Variants in ACLY observed in about 807,000 individuals in gnomAD.
ACLY encodes the protein ATP citrate lyase.
A neutral mutation model predicts 133.0 loss-of-function variants in ACLY; 41 were observed. The ratio of observed to expected loss-of-function variants is 0.31; its 90% CI spans 0.24 to 0.40. The LOEUF (loss-of-function observed/expected upper bound fraction) is 0.40, where lower values mean the gene tolerates loss of function less well. Among genes scored for constraint, ACLY ranks in the 10% least tolerant of loss-of-function variants. The probability of loss-of-function intolerance (pLI) is 1.00; values close to 1 mark genes in which losing one functional copy is unlikely to be tolerated. For synonymous variants in ACLY, 495 were observed against 549.3 expected (o/e 0.90, Z 1.38); for missense variants, 1,046 against 1,453.8 (o/e 0.72, Z 4.56).
At chr17:41,919,490 C>T (rs185172766), upstream of ACLY, among the ~76,000 whole-genome samples, 1 of 152,356 alleles carries the variant, frequency 6.6e-6, no homozygotes, top group African/African-American at 2.4e-5. Flanking sequence ...TGGAGCCTCT[C>T]TCCTCCCTGG....
chr17:41,875,381 G>C (rs145463457), intron 22 of ACLY, among the ~76,000 whole-genome samples: 1 of 144,266 alleles, frequency 6.9e-6, no homozygotes. Flanking sequence ...GACGAGATAC[G>C]TGGCTAAAGA....
intron 1 of ACLY, among the ~76,000 whole-genome samples, chr17:41,929,051 C>T (rs1045857188): frequency 1.3e-5 from 2 of 151,928 alleles, no homozygotes; most frequent in Non-Finnish European, 1.5e-5. Flanking sequence ...TCCTTAAACA[C>T]CCTGTGAATG....
Position 41,909,633 on chromosome 17 carries a change from C to A in ACLY, c.413G>T (p.Gly138Val), listed in dbSNP as rs782037288. ...EGDYVLFHHE[G>V]GVDVGDVDAK... Reference sequence around the variant, plus strand: ...GTCCACATCACCCACGTCCACACCCCCCTCGTGGTGGAACAGGACGTAGTC... The same window carrying A: ...GTCCACATCACCCACGTCCACACCCACCTCGTGGTGGAACAGGACGTAGTC... Residue 138 changes from glycine to valine, a missense_variant, in exon 5 of 29, where the codon GGG (glycine) becomes GTG (valine). Physicochemically the swap from Gly to Val is moderately radical, Grantham distance 109 (BLOSUM62 -3). Transcript: ENST00000352035. 3 of 1,614,164 alleles carry A rather than the reference C, an allele frequency of 1.9e-6. No individual in the cohort carries two copies. Among genetic ancestry groups the A allele is most frequent in the East Asian group, 2.2e-5 (1 of 44,884 alleles).
intron 16 of ACLY, among the ~76,000 whole-genome samples, chr17:41,891,168 G>C (rs1270436669): frequency 1.3e-5 from 2 of 152,004 alleles, no homozygotes; most frequent in Non-Finnish European, 2.9e-5. Context: ...CCTACTAGCT[G>C]GGACTAGTGA....
rs1190156191 is a variant in ACLY, at chr17:41,928,851, A to T, written c.-28+1507T>A. On this transcript the variant is annotated intron_variant, in intron 1 of 3. Coordinates refer to the ACLY transcript ENST00000592970. ...CTGAGTGACAGAGTGAGACTCCACC[A>T]TAAAAAAAAAAAAAAAAAAGCTGCT... 1.6e-4 allele frequency among the ~76,000 whole-genome samples: 14 copies of T among 85,630 alleles called. No individual in the cohort carries two copies. In the East Asian group the frequency reaches 6.1e-3, roughly 38 times the overall value. The allele number at this position is 85,630 out of a possible 152,430, so 56.2% of individuals were successfully genotyped here.
At chr17:41,916,106 G>A (rs1019850135) in intron 1 of ACLY, among the ~76,000 whole-genome samples, 1 of 152,200 alleles carries the variant, frequency 6.6e-6, no homozygotes, top group African/African-American at 2.4e-5. Context: ...AGGTCCAAGA[G>A]CCCATCTCCA....
chr17:41,924,578 ATTCTAAC>A (rs1442691033), intron 1 of ACLY, among the ~76,000 whole-genome samples: 2 of 152,222 alleles, frequency 1.3e-5, no homozygotes, highest in South Asian at 2.1e-4. Flanking sequence ...AGAGCCAAGG[ATTCTAAC>A]TTCCGCACCA....
At chr17:41,926,954 C>T (rs1555636039) in intron 1 of ACLY, among the ~76,000 whole-genome samples, 5 of 152,116 alleles carry the variant, frequency 3.3e-5, no homozygotes, top group South Asian at 2.1e-4. Flanking sequence ...TCACAACCTC[C>T]GCCTCCCAGG....
chr17:41,883,426 T>C (rs782714978), intron 19 of ACLY, among the ~76,000 whole-genome samples, 194 bp from the exon 20 acceptor site: 10 of 152,100 alleles, frequency 6.6e-5, no homozygotes, highest in Non-Finnish European at 1.0e-4. Flanking sequence ...CCCTTCCTAA[T>C]CTAGAAATAT....
intron 25 of ACLY, 48 bp from the exon 26 acceptor site, chr17:41,869,635 A>G (rs1555624701): frequency 1.3e-6 from 2 of 1,495,924 alleles, no homozygotes; most frequent in Admixed American, 3.4e-5. Context: ...CACTGCTGGG[A>G]TGTGTTTGTT....
intron 14 of ACLY, among the ~76,000 whole-genome samples, chr17:41,893,410 G>T (rs782110117): frequency 1.3e-5 from 2 of 152,220 alleles, no homozygotes; most frequent in Non-Finnish European, 2.9e-5. Context: ...CTGCTAGCTG[G>T]TAAGTAGCTC....
intron 10 of ACLY, among the ~76,000 whole-genome samples, chr17:41,903,313 T>C (rs1297507911): frequency 6.6e-6 from 1 of 152,168 alleles, no homozygotes; most frequent in Non-Finnish European, 1.5e-5. Context: ...AGCAGTCACA[T>C]GTGCTTTAAA....
At chr17:41,908,485 C>A (rs1253212401) in intron 6 of ACLY, among the ~76,000 whole-genome samples, 1 of 152,216 alleles carries the variant, frequency 6.6e-6, no homozygotes, top group Non-Finnish European at 1.5e-5. Flanking sequence ...GACTTCTGGC[C>A]GGGCGTGGTG....
At chr17:41,901,521 C>T (rs2049540804) in intron 11 of ACLY, among the ~76,000 whole-genome samples, 175 bp downstream of exon 11, 1 of 151,698 alleles carries the variant, frequency 6.6e-6, no homozygotes, top group Non-Finnish European at 1.5e-5. Context: ...CCTGACCACT[C>T]CAAAGTTTAG....
At chr17:41,895,603 C>A (rs2049343142) in intron 14 of ACLY, among the ~76,000 whole-genome samples, 1 of 152,222 alleles carries the variant, frequency 6.6e-6, no homozygotes, top group South Asian at 2.1e-4. Context: ...CAGAAAGTAA[C>A]AAGGATAACC....
intron 21 of ACLY, 79 bp from the exon 22 acceptor site, chr17:41,878,275 T>C: frequency 1.1e-6 from 1 of 943,638 alleles, no homozygotes; most frequent in Non-Finnish European, 1.5e-6. Flanking sequence ...GAATGCTCTA[T>C]CTAACCCAAA....
At position 41,872,162 on chromosome 17, in the gene ACLY, T is replaced by C. The variant is rs1353749008; in HGVS notation, c.2663A>G (p.Gln888Arg). ...FQKRLPKYSCQFIEMCLMVTA... is the reference protein window; with the variant it reads ...FQKRLPKYSCRFIEMCLMVTA... The stretch of plus-strand genomic sequence containing the variant: ...CACCATCAGACACATCTCAATGAAC[T>C]GGCAAGAGTACTTAGGCAACCTGGA... Residue 888 changes from glutamine (Q) to arginine (R), a missense_variant, in exon 24 of 29, where the codon CAG becomes CGG. Gln to Arg is a conservative substitution (Grantham distance 43). Around this residue, in one of 4 missense-constraint regions of ACLY, gnomAD observed 205 missense variants for 373.3 expected, o/e 0.55. Coordinates refer to ENST00000352035, the MANE Select transcript of ACLY (RefSeq NM_001096.3). 1.2e-6 allele frequency: 2 copies of C among 1,613,636 alleles called. No homozygotes were observed. Among genetic ancestry groups the C allele is most frequent in the Non-Finnish European group, 1.7e-6 (2 of 1,180,008 alleles).
chr17:41,925,638 T>A (rs1441456097), intron 1 of ACLY, among the ~76,000 whole-genome samples: 1 of 151,920 alleles, frequency 6.6e-6, no homozygotes, highest in Non-Finnish European at 1.5e-5. Context: ...AGTAATCTTC[T>A]GACTGTTGTG....
intron 25 of ACLY, chr17:41,870,738 A>G (rs1432622986): frequency 6.6e-6 from 1 of 152,208 alleles, no homozygotes; most frequent in African/African-American, 2.4e-5. Flanking sequence ...CCAATCAGAT[A>G]TGCCTTGATA....
Sources: gnomAD v4.1 joint callset for allele counts (sites outside exome capture counted in the v4.1 genomes callset) on GRCh38, gnomAD v4.1.1 for gene constraint, gnomAD v4.1.1 regional missense constraint, MANE v1.5 for transcripts, NCBI Gene and HGNC (gene_info 2026-07-23, HGNC 2026-07-21) for gene names.